Variants in CLIP1 observed in about 807,000 individuals in gnomAD.
CLIP1 encodes the protein CAP-Gly domain-containing linker protein 1.
Under a neutral mutation model 161.6 loss-of-function variants are expected in CLIP1, and 66 were observed. The ratio of observed to expected loss-of-function variants is 0.41; its 90% CI spans 0.33 to 0.50. CLIP1 has a LOEUF of 0.50. CLIP1 is among the 20% of genes least tolerant of loss of function. The pLI is 0.27. For synonymous variants in CLIP1, 598 were observed against 626.2 expected (o/e 0.96, Z 0.67); for missense variants, 1,376 against 1,702.0 (o/e 0.81, Z 3.37).
intron 20 of CLIP1, among the ~76,000 whole-genome samples, chr12:122,300,798 T>C (rs2136417682): frequency 6.6e-6 from 1 of 152,342 alleles, no homozygotes; most frequent in East Asian, 1.9e-4. Flanking sequence ...ACATTCTCTC[T>C]ATATTTTTTT....
At position 122,402,838 on chromosome 12, in the gene CLIP1, T is replaced by G. The variant is rs74773694; in HGVS notation, c.-107+19683A>C. Among the ~76,000 whole-genome samples the G allele has an allele frequency of 2.0e-3, 308 of 152,224 alleles. 1 individual carries two copies. Among genetic ancestry groups the G allele is most frequent in the African/African-American group, 7.2e-3 (299 of 41,522 alleles). Reference sequence around the variant, plus strand: ...TCACCTCGTCTCTAACAACAACAAATGTGATTAACGTAAAATTATTAACAT... The same window carrying G: ...TCACCTCGTCTCTAACAACAACAAAGGTGATTAACGTAAAATTATTAACAT... On this transcript the variant is annotated intron_variant, in intron 1 of 25. Transcript: ENST00000620786.
Position 122,278,780 on chromosome 12 carries a change from G to C in CLIP1, c.3916+12C>G. The C allele has an allele frequency of 6.3e-7, 1 of 1,579,262 alleles. No individual in the cohort carries two copies. On this transcript the variant is annotated intron_variant, in intron 23 of 25. Coordinates refer to ENST00000620786, the MANE Select transcript of CLIP1 (RefSeq NM_001247997.2). The stretch of plus-strand genomic sequence containing the variant: ...GGGGTGTACAGAGAAGCACTGGGCA[G>C]GCGCCCTTTACCTGAGGAGCTGCTG...
At chr12:122,370,480 A>G (rs1430178037) in intron 3 of CLIP1, among the ~76,000 whole-genome samples, 1 of 152,206 alleles carries the variant, frequency 6.6e-6, no homozygotes, top group Admixed American at 6.5e-5. Context: ...TTATAAAGCC[A>G]TCATATTTTC....
chr12:122,374,619 G>A (rs1338069280), intron 3 of CLIP1, among the ~76,000 whole-genome samples: 1 of 152,094 alleles, frequency 6.6e-6, no homozygotes, highest in East Asian at 1.9e-4. Flanking sequence ...AAAAGTAGCT[G>A]GGCATGGTGG....
chr12:122,380,983 C>T (rs539607058), intron 1 of CLIP1, among the ~76,000 whole-genome samples: 6 of 152,114 alleles, frequency 3.9e-5, no homozygotes, highest in Admixed American at 6.6e-5. Context: ...GAGCCATGAT[C>T]GATCACACCA....
At chr12:122,307,054 G>T (rs1205527289) in intron 20 of CLIP1, among the ~76,000 whole-genome samples, 1 of 130,866 alleles carries the variant, frequency 7.6e-6, no homozygotes, top group East Asian at 2.2e-4. Context: ...CTGTCGCCCA[G>T]GCTGGAGTGC....
chr12:122,313,510 T>A (rs979906894), intron 19 of CLIP1, among the ~76,000 whole-genome samples: 3 of 151,616 alleles, frequency 2.0e-5, no homozygotes, highest in African/African-American at 7.3e-5. Context: ...GCGGATCACC[T>A]GAGGTTGGTA....
At chr12:122,326,709 C>T (rs997423145) in intron 17 of CLIP1, among the ~76,000 whole-genome samples, 2 of 151,906 alleles carry the variant, frequency 1.3e-5, no homozygotes, top group African/African-American at 2.4e-5. Context: ...GGAGACCTTA[C>T]ATCAGCTTCT....
chr12:122,308,755 G>A (rs1950966997), intron 20 of CLIP1, among the ~76,000 whole-genome samples: 1 of 152,168 alleles, frequency 6.6e-6, no homozygotes, highest in African/African-American at 2.4e-5. Flanking sequence ...ATCACCAACA[G>A]CATCATCATC....
chr12:122,389,410 AG>A (rs1251826573), intron 1 of CLIP1, among the ~76,000 whole-genome samples: 2 of 152,232 alleles, frequency 1.3e-5, no homozygotes, highest in African/African-American at 4.8e-5. Flanking sequence ...CCAAAATTAC[AG>A]CTGGTGCTTG....
rs770852169 is a variant in CLIP1, at chr12:122,377,534, G to A, written c.512C>T (p.Pro171Leu). ...AGGTTCCTTTGCTGCTGGCTGTGAT[G>A]GTTTCTGAGGGATGTTTGAAGGGGT... ...PSTPSNIPQK[P>L]SQPAAKEPSA... The change falls in exon 3 of 26, where the codon CCA becomes CTA. Residue 171 changes from proline (P) to leucine (L), a missense_variant. By Grantham distance (98) the Pro-to-Leu change is moderately conservative (BLOSUM62 -3). Coordinates refer to ENST00000620786, the MANE Select transcript of CLIP1 (RefSeq NM_001247997.2). The A allele has an allele frequency of 2.2e-5, 35 of 1,613,866 alleles. No homozygotes were observed. The highest frequency in any genetic ancestry group is 2.6e-5 in the Non-Finnish European group (31 of 1,180,020).
At chr12:122,275,642 G>A (rs78204450) in intron 24 of CLIP1, 57 of 110,028 alleles carry the variant, frequency 5.2e-4, no homozygotes, top group East Asian at 3.6e-3. Flanking sequence ...ACACACACAC[G>A]CGCACACACA....
chr12:122,330,631 G>C (rs1195465795), intron 15 of CLIP1, among the ~76,000 whole-genome samples: 1 of 107,244 alleles, frequency 9.3e-6, no homozygotes, highest in Non-Finnish European at 1.6e-5. Context: ...ATGGAGTCTC[G>C]CACTGTTGCC....
At chr12:122,295,575 T>C (rs1950435817) in intron 20 of CLIP1, among the ~76,000 whole-genome samples, 1 of 152,242 alleles carries the variant, frequency 6.6e-6, no homozygotes, top group Admixed American at 6.5e-5. Context: ...GAGAAGTGTG[T>C]GTCTTCTGCT....
chr12:122,301,120 G>A (rs1007160147), intron 20 of CLIP1, among the ~76,000 whole-genome samples: 1 of 152,082 alleles, frequency 6.6e-6, no homozygotes, highest in Non-Finnish European at 1.5e-5. Flanking sequence ...AAAGAGACAC[G>A]ACAACTCAGT....
chr12:122,297,356 G>C (rs778365532), intron 20 of CLIP1, among the ~76,000 whole-genome samples: 23 of 152,162 alleles, frequency 1.5e-4, no homozygotes, highest in Non-Finnish European at 3.2e-4. Flanking sequence ...CTCCGGAGAG[G>C]AGAAGCGCCT....
intron 17 of CLIP1, among the ~76,000 whole-genome samples, chr12:122,324,498 CTTTAT>C (rs1951635208): frequency 6.6e-6 from 1 of 152,120 alleles, no homozygotes; most frequent in Non-Finnish European, 1.5e-5. Flanking sequence ...CTACAATAAA[CTTTAT>C]AGAAACTATC....
At chr12:122,362,866 ACT>A (rs1034189943) in intron 4 of CLIP1, among the ~76,000 whole-genome samples, 11 of 151,852 alleles carry the variant, frequency 7.2e-5, no homozygotes, top group African/African-American at 2.4e-4. Flanking sequence ...CAATGCCATG[ACT>A]CTAAAGGATT....
At chr12:122,314,223 G>A (rs924341805) in intron 19 of CLIP1, among the ~76,000 whole-genome samples, 4 of 151,430 alleles carry the variant, frequency 2.6e-5, no homozygotes, top group South Asian at 2.1e-4. Context: ...CCCGGGAGGC[G>A]GAGGTTGCAG....
Sources: allele counts gnomAD v4.1 joint callset (sites outside exome capture counted in the v4.1 genomes callset), GRCh38; gene constraint gnomAD v4.1.1; transcripts MANE v1.5; gene names NCBI Gene and HGNC (gene_info 2026-07-23, HGNC 2026-07-21).